Variants in TDRD7 observed in about 807,000 individuals in gnomAD.
TDRD7 encodes the protein tudor domain containing 7.
TDRD7 carries 47 observed loss-of-function variants against 109.8 expected under a neutral mutation model. The observed-to-expected ratio is 0.43, with a 90% CI of 0.34 to 0.55. The LOEUF (loss-of-function observed/expected upper bound fraction) is 0.55, where lower values mean the gene tolerates loss of function less well. Ranked by LOEUF, TDRD7 falls within the 20% of genes least tolerant of loss-of-function variation. The pLI, the probability that TDRD7 is intolerant of heterozygous loss-of-function variation, is 0.03. For synonymous variants in TDRD7, 424 were observed against 457.3 expected (o/e 0.93, Z 0.93); for missense variants, 1,164 against 1,319.2 (o/e 0.88, Z 1.82).
intron 5 of TDRD7, 121 bp downstream of exon 5, chr9:97,439,439 T>G: frequency 1.2e-6 from 1 of 814,762 alleles, no homozygotes; most frequent in Admixed American, 1.9e-5. Context: ...TTCCTCCCCT[T>G]TTTCCTAATT....
intron 1 of TDRD7, among the ~76,000 whole-genome samples, chr9:97,418,548 A>G (rs948066043): frequency 2.6e-5 from 4 of 152,156 alleles, no homozygotes; most frequent in African/African-American, 9.7e-5. Flanking sequence ...TTAAAAAAAA[A>G]AATTGTGAAG....
intron 7 of TDRD7, among the ~76,000 whole-genome samples, chr9:97,462,790 C>T (rs372459413): frequency 2.5e-4 from 38 of 152,330 alleles, no homozygotes; most frequent in African/African-American, 4.8e-4. Context: ...CATCCAACAC[C>T]GTCCATCTTC....
At chr9:97,493,176 A>G (rs926313655) in intron 16 of TDRD7, among the ~76,000 whole-genome samples, 2 of 152,056 alleles carry the variant, frequency 1.3e-5, no homozygotes, top group Non-Finnish European at 2.9e-5. Context: ...CCACCCTTTC[A>G]AGGTTCCCAG....
At chr9:97,419,320 A>G (rs1827860936) in intron 1 of TDRD7, among the ~76,000 whole-genome samples, 1 of 152,232 alleles carries the variant, frequency 6.6e-6, no homozygotes, top group Admixed American at 6.5e-5. Context: ...CTGAGGAGTA[A>G]GCAAGTGATG....
rs1275813133 is a variant in TDRD7, at chr9:97,464,826, C to A, written c.1443-16C>A. 1.2e-6 allele frequency: 2 copies of A among 1,614,060 alleles called. No homozygotes were observed. Among genetic ancestry groups the A allele is most frequent in the Non-Finnish European group, 8.5e-7 (1 of 1,179,948 alleles). On this transcript the variant is annotated splice_polypyrimidine_tract_variant and intron_variant, in intron 7 of 16. Transcript: ENST00000355295. Reference sequence around the variant, plus strand: ...TAGGTTACTTCATTTGCATTCTCTTCTTTTAACTGATTCAGGTATGTGGGC... The same window carrying A: ...TAGGTTACTTCATTTGCATTCTCTTATTTTAACTGATTCAGGTATGTGGGC...
intron 8 of TDRD7, among the ~76,000 whole-genome samples, chr9:97,467,818 A>G (rs968267453): frequency 1.3e-5 from 2 of 152,226 alleles, no homozygotes; most frequent in Admixed American, 6.5e-5. Context: ...GGCTGTTGTA[A>G]TAGCCAGCTA....
At chr9:97,480,508 T>C (rs1445339847) in intron 13 of TDRD7, 2 of 360,198 alleles carry the variant, frequency 5.6e-6, no homozygotes, top group East Asian at 6.6e-5. Context: ...TGGTATCTTA[T>C]ACAGTCTTTC....
intron 6 of TDRD7, among the ~76,000 whole-genome samples, chr9:97,451,208 C>T (rs139559923): frequency 3.3e-3 from 502 of 152,210 alleles, no homozygotes; most frequent in African/African-American, 8.7e-3. Flanking sequence ...ACACTCCTTC[C>T]GGCATACGTC....
At chr9:97,464,183 C>T (rs1828781357) in intron 7 of TDRD7, among the ~76,000 whole-genome samples, 1 of 152,214 alleles carries the variant, frequency 6.6e-6, no homozygotes, top group African/African-American at 2.4e-5. Context: ...TTTTCCACGT[C>T]TCCTCCTCTC....
chr9:97,463,824 C>T (rs1163580823), intron 7 of TDRD7, among the ~76,000 whole-genome samples: 7 of 152,128 alleles, frequency 4.6e-5, no homozygotes, highest in Non-Finnish European at 1.5e-5. Flanking sequence ...GGAATAAGGA[C>T]ATAATCCTGA....
chr9:97,482,528 ATTAAT>A (rs1354162835), intron 14 of TDRD7, among the ~76,000 whole-genome samples: 3 of 152,304 alleles, frequency 2.0e-5, no homozygotes, highest in South Asian at 4.1e-4. Flanking sequence ...TCGAAATATC[ATTAAT>A]TTAAACTATT....
At chr9:97,480,773 A>G in intron 13 of TDRD7, 55 bp from the exon 14 acceptor site, 1 of 1,360,452 alleles carries the variant, frequency 7.4e-7, no homozygotes, top group Non-Finnish European at 1.1e-6. Flanking sequence ...AACATTACTC[A>G]TAACTAGGTA....
chr9:97,449,519 G>C (rs1251145893), intron 6 of TDRD7, among the ~76,000 whole-genome samples: 1 of 152,198 alleles, frequency 6.6e-6, no homozygotes, highest in Non-Finnish European at 1.5e-5. Context: ...TATTACAAAG[G>C]ATATTACAGA....
Position 97,496,039 on chromosome 9 carries a change from T to G in TDRD7, c.*156T>G. ...GTTTGATGAAAGATATTTAACAAGTTTTGTTTTAACAGAGTTGACTTTTCA... is the reference window on the plus strand; with the variant it reads ...GTTTGATGAAAGATATTTAACAAGTGTTGTTTTAACAGAGTTGACTTTTCA... On this transcript the variant is annotated 3_prime_UTR_variant, in exon 17 of 17. Coordinates refer to ENST00000355295, the MANE Select transcript of TDRD7 (RefSeq NM_014290.3). 1 of 667,382 alleles carries G rather than the reference T, an allele frequency of 1.5e-6. No individual in the cohort carries two copies. The highest frequency in any genetic ancestry group is 2.6e-6 in the Non-Finnish European group (1 of 382,942). The allele number at this position is 667,382 out of a possible 1,614,324, so 41.3% of individuals were successfully genotyped here. A position where few individuals can be genotyped will look rare whatever the true frequency, so the allele number is the denominator to read the frequency against.
intron 6 of TDRD7, among the ~76,000 whole-genome samples, chr9:97,455,792 C>G (rs1425033333): frequency 6.6e-6 from 1 of 152,162 alleles, no homozygotes; most frequent in Non-Finnish European, 1.5e-5. Context: ...CTCACCACTC[C>G]TATTCAACAT....
In TDRD7 at chr9:97,478,539, G is replaced by T. The variant is rs183885850; in HGVS notation, c.2267G>T (p.Arg756Leu). 2 of 1,613,920 alleles carry T rather than the reference G, an allele frequency of 1.2e-6. No homozygotes were observed. The highest frequency in any genetic ancestry group is 1.7e-6 in the Non-Finnish European group (2 of 1,179,954). The change falls in exon 13 of 17, where the codon CGG (arginine) becomes CTG (leucine). Residue 756 changes from arginine to leucine, a missense_variant. Physicochemically the swap from Arg to Leu is moderately radical, Grantham distance 102. This residue lies in a region of TDRD7 where 233 missense variants were observed against 218.0 expected (regional missense o/e 1.07). Coordinates refer to ENST00000355295, the MANE Select transcript of TDRD7 (RefSeq NM_014290.3). ...TCAGAGCTCAGGGAAATTCCACCTC[G>T]GTTTCTACAAGAAATGATTGCAATA... Reference protein sequence around the residue: ...KVSELREIPPRFLQEMIAIPP... With the variant: ...KVSELREIPPLFLQEMIAIPP...
chr9:97,474,759 C>T (rs746060803), intron 11 of TDRD7, among the ~76,000 whole-genome samples: 4 of 152,140 alleles, frequency 2.6e-5, no homozygotes, highest in Non-Finnish European at 4.4e-5. Context: ...CTACTGCACT[C>T]GTAACCTAAG....
intron 15 of TDRD7, 83 bp downstream of exon 15, chr9:97,483,434 A>G (rs1807429872): frequency 1.3e-6 from 2 of 1,511,452 alleles, no homozygotes; most frequent in Admixed American, 3.4e-5. Context: ...TGGCGGGGGG[A>G]CTTCGAACTG....
intron 8 of TDRD7, among the ~76,000 whole-genome samples, chr9:97,468,546 TC>T (rs1828857105): frequency 6.6e-6 from 1 of 152,216 alleles, no homozygotes; most frequent in Admixed American, 6.5e-5. Context: ...AGATGATTTC[TC>T]CCTTTATTTG....
Sources: gnomAD v4.1 joint callset for allele counts (sites outside exome capture counted in the v4.1 genomes callset) on GRCh38, gnomAD v4.1.1 for gene constraint, gnomAD v4.1.1 regional missense constraint, MANE v1.5 for transcripts, NCBI Gene and HGNC (gene_info 2026-07-23, HGNC 2026-07-21) for gene names.